GRAMD4: variants seen among roughly 807,000 people sequenced by gnomAD.
The protein encoded by GRAMD4 is GRAM domain containing 4, also known as GRAM domain-containing protein 4.
A neutral mutation model predicts 83.9 loss-of-function variants in GRAMD4; 25 were observed. The observed-to-expected ratio is 0.30, with a 90% CI of 0.22 to 0.42. GRAMD4 has a LOEUF of 0.42. Ranked by LOEUF, GRAMD4 falls within the 10% of genes least tolerant of loss-of-function variation. The pLI, the probability that GRAMD4 is intolerant of heterozygous loss-of-function variation, is 1.00. For missense variants in GRAMD4, 593 were observed against 788.7 expected (o/e 0.75, Z 2.97); for synonymous variants, 336 against 320.9 (o/e 1.05, Z -0.50).
upstream of GRAMD4, among the ~76,000 whole-genome samples, chr22:46,615,663 C>T (rs1350153811): frequency 1.8e-4 from 5 of 27,126 alleles, no homozygotes; most frequent in African/African-American, 3.7e-4. Context: ...TAGGTTCCCC[C>T]GTGCGTAGGT....
intron 16 of GRAMD4, among the ~76,000 whole-genome samples, chr22:46,675,167 G>T (rs1052719087): frequency 1.3e-5 from 2 of 151,100 alleles, no homozygotes; most frequent in African/African-American, 4.9e-5. Context: ...AGCAGTGGCC[G>T]TGAGTGTCTC....
At chr22:46,578,979 G>A (rs1219743592) in intron 1 of GRAMD4, among the ~76,000 whole-genome samples, 1 of 152,242 alleles carries the variant, frequency 6.6e-6, no homozygotes, top group Non-Finnish European at 1.5e-5. Flanking sequence ...TGAGCCACCA[G>A]CCCTCTGCTC....
chr22:46,595,500 ATGGG>A (rs2081253165), intron 1 of GRAMD4, among the ~76,000 whole-genome samples: 1 of 152,206 alleles, frequency 6.6e-6, no homozygotes, highest in Non-Finnish European at 1.5e-5. Flanking sequence ...GGTGGTCAGT[ATGGG>A]CACAGAGGTG....
At chr22:46,630,517 C>T (rs977846495) in intron 2 of GRAMD4, among the ~76,000 whole-genome samples, 1 of 152,184 alleles carries the variant, frequency 6.6e-6, no homozygotes, top group African/African-American at 2.4e-5. Flanking sequence ...CCGCGCCATG[C>T]TCCGTGCCCA....
chr22:46,594,108 C>T (rs2147019817), intron 1 of GRAMD4, among the ~76,000 whole-genome samples: 1 of 151,426 alleles, frequency 6.6e-6, no homozygotes, highest in South Asian at 2.1e-4. Flanking sequence ...CAGCATCCTG[C>T]CAGCCCCTCC....
chr22:46,675,712 A>G (rs763007295), intron 17 of GRAMD4, among the ~76,000 whole-genome samples, 160 bp downstream of exon 17: 2 of 152,060 alleles, frequency 1.3e-5, no homozygotes, highest in Admixed American at 6.5e-5. Context: ...TTGAGTCCCC[A>G]TGTCCCTGTG....
At chr22:46,616,655 C>T (rs866077969), upstream of GRAMD4, among the ~76,000 whole-genome samples, 2 of 85,008 alleles carry the variant, frequency 2.4e-5, no homozygotes, top group Admixed American at 1.3e-4. Flanking sequence ...CCTGTGTGTA[C>T]GTTCCCCTGT....
At chr22:46,643,176 C>CATGCATGCATCT (rs2082010741) in intron 3 of GRAMD4, among the ~76,000 whole-genome samples, 1 of 140,452 alleles carries the variant, frequency 7.1e-6, no homozygotes. Context: ...TCCATCCATC[C>CATGCATGCATCT]ATCCATCCAT....
At chr22:46,600,662 C>T (rs1423750895) in intron 1 of GRAMD4, among the ~76,000 whole-genome samples, 3 of 152,132 alleles carry the variant, frequency 2.0e-5, no homozygotes, top group Admixed American at 1.3e-4. Flanking sequence ...AAGCCCCGGT[C>T]GCAGAGCCCC....
chr22:46,682,286 T>C, downstream of GRAMD4: 1 of 300,782 alleles, frequency 3.3e-6, no homozygotes, highest in Non-Finnish European at 4.9e-6. Context: ...CTCAACTCTC[T>C]ACCACATGTC....
intron 4 of GRAMD4, 91 bp downstream of exon 4, chr22:46,658,398 G>A (rs918593119): frequency 2.3e-5 from 29 of 1,241,942 alleles, no homozygotes; most frequent in African/African-American, 3.2e-5. Context: ...CACCCATAGC[G>A]TCTTGGCAGC....
At chr22:46,615,543 C>CTG (rs1353428183), upstream of GRAMD4, among the ~76,000 whole-genome samples, 126 of 140,944 alleles carry the variant, frequency 8.9e-4, no homozygotes, top group Admixed American at 1.9e-3. Context: ...GTAGGTTCCC[C>CTG]TGTGTGTAGG....
chr22:46,597,113 G>A (rs547897160), intron 1 of GRAMD4, among the ~76,000 whole-genome samples: 16 of 152,298 alleles, frequency 1.1e-4, no homozygotes, highest in Admixed American at 1.0e-3. Flanking sequence ...GTCCTTTGGA[G>A]AGCTGCAAAG....
chr22:46,678,825 G>C lies in GRAMD4; in HGVS notation c.*1574G>C. On this transcript the variant is annotated 3_prime_UTR_variant, in exon 19 of 19. Coordinates refer to ENST00000406902, the MANE Select transcript of GRAMD4 (RefSeq NM_015124.5). Reference sequence around the variant, plus strand: ...CGCAGAGTCACACGCTGGTGCCGGGGGTGCTTTGGGGGGAGCTGCGCCGAT... The same window carrying C: ...CGCAGAGTCACACGCTGGTGCCGGGCGTGCTTTGGGGGGAGCTGCGCCGAT... The C allele has an allele frequency of 3.0e-6, 3 of 986,268 alleles. No homozygotes were observed. The highest frequency in any genetic ancestry group is 3.6e-6 in the Non-Finnish European group (3 of 830,116). The allele number at this position is 986,268 out of a possible 1,614,324, so 61.1% of individuals were successfully genotyped here.
chr22:46,581,381 G>A (rs1473690114), intron 1 of GRAMD4, among the ~76,000 whole-genome samples: 4 of 152,226 alleles, frequency 2.6e-5, no homozygotes, highest in South Asian at 2.1e-4. Context: ...CTGAGGCACC[G>A]GGAGGCAGTG....
intron 3 of GRAMD4, among the ~76,000 whole-genome samples, chr22:46,643,075 C>G (rs2081998653): frequency 6.7e-6 from 1 of 150,180 alleles, no homozygotes; most frequent in Non-Finnish European, 1.5e-5. Context: ...ATCCATCCAT[C>G]TATCCATTTA....
In GRAMD4 at chr22:46,665,677, G is replaced by A; in HGVS notation, c.780G>A (p.Leu260=). 2 of 1,603,220 alleles carry A rather than the reference G, an allele frequency of 1.2e-6. No individual in the cohort carries two copies. The highest frequency in any genetic ancestry group is 1.7e-6 in the Non-Finnish European group (2 of 1,170,522). ...AIPLFLFLAI[L]RLSLNYLIAR... is the part of the protein sequence containing the mutation. ...CATTGTTCTTATTTCTAGCAATTCT[G>A]AGGTTATCCCTCAATTACCTCATCG... Residue 260 remains leucine, a synonymous_variant, in exon 9 of 19, where the codon CTG becomes CTA. Coordinates refer to ENST00000406902, the MANE Select transcript of GRAMD4 (RefSeq NM_015124.5).
chr22:46,615,998 C>A (rs2081483189), upstream of GRAMD4, among the ~76,000 whole-genome samples: 1 of 136,060 alleles, frequency 7.3e-6, no homozygotes, highest in Non-Finnish European at 1.5e-5. Flanking sequence ...GTGGGTTCCC[C>A]CGTGTGTAGG....
intron 3 of GRAMD4, among the ~76,000 whole-genome samples, chr22:46,646,957 C>G (rs1266061868): frequency 3.3e-5 from 5 of 152,198 alleles, no homozygotes; most frequent in African/African-American, 4.8e-5. Context: ...ATAAAACCAT[C>G]AGATCTCGTG....
Sources: allele counts gnomAD v4.1 joint callset (sites outside exome capture counted in the v4.1 genomes callset), GRCh38; gene constraint gnomAD v4.1.1; transcripts MANE v1.5; gene names NCBI Gene and HGNC (gene_info 2026-07-23, HGNC 2026-07-21).